The following NR5A2 variants were observed in gnomAD, a reference collection of about 807,000 sequenced individuals.
NR5A2 encodes the protein CYP7A promoter-binding factor.
NR5A2 carries 26 observed loss-of-function variants against 62.7 expected under a neutral mutation model. The observed-to-expected ratio is 0.41, with a 90% CI of 0.30 to 0.58. The LOEUF (loss-of-function observed/expected upper bound fraction) is 0.58, where lower values mean the gene tolerates loss of function less well. Ranked by LOEUF, NR5A2 falls within the 20% of genes least tolerant of loss-of-function variation. NR5A2 has a pLI of 0.22. For synonymous variants in NR5A2, 246 were observed against 241.7 expected, an observed-to-expected ratio of 1.02 and a Z score of -0.16; for missense variants, 541 against 669.1, an observed-to-expected ratio of 0.81 and a Z score of 2.11.
intron 5 of NR5A2, among the ~76,000 whole-genome samples, chr1:200,052,779 C>A: frequency 6.6e-6 from 1 of 151,806 alleles, no homozygotes; most frequent in South Asian, 2.1e-4. Context: ...GTAGCTGGGA[C>A]TACAGGTGCC....
At position 200,049,096 on chromosome 1, in the gene NR5A2, ATTCC is replaced by A. The variant is rs369888701; in HGVS notation, c.1110+281_1110+284del. 4.2e-3 allele frequency among the ~76,000 whole-genome samples: 640 copies of A among 152,212 alleles called. 3 individuals carry two copies. Among genetic ancestry groups the A allele is most frequent in the African/African-American group, 0.015 (617 of 41,540 alleles). ...TTTTTCTAAATAGTAGAATATCTGT[ATTCC>A]TTTTAATTCAGATGGTTTGTGGCTT... On this transcript the variant is annotated intron_variant, in intron 5 of 7. Transcript: ENST00000367362.
intron 5 of NR5A2, among the ~76,000 whole-genome samples, chr1:200,065,324 A>G (rs984462110): frequency 6.6e-6 from 1 of 151,008 alleles, no homozygotes; most frequent in East Asian, 2.0e-4. Flanking sequence ...TTGTATTTTT[A>G]GGAGAGACAG....
At chr1:200,150,451 G>A (rs985289297) in intron 7 of NR5A2, among the ~76,000 whole-genome samples, 1 of 152,152 alleles carries the variant, frequency 6.6e-6, no homozygotes, top group African/African-American at 2.4e-5. Flanking sequence ...GTACCACTTA[G>A]AATTAGAGCT....
chr1:200,040,972 C>T (rs1662042511), intron 2 of NR5A2, among the ~76,000 whole-genome samples: 1 of 152,166 alleles, frequency 6.6e-6, no homozygotes, highest in African/African-American at 2.4e-5. Flanking sequence ...GCTGAAGCCC[C>T]GGAGGCTGAC....
intron 3 of NR5A2, 153 bp downstream of exon 3, chr1:200,044,045 A>C (rs1662245123): frequency 1.9e-6 from 1 of 521,372 alleles, no homozygotes; most frequent in East Asian, 3.0e-5. Flanking sequence ...GATTCTTAGA[A>C]GTGTGTGTCT....
chr1:200,053,305 C>A (rs1662746160), intron 5 of NR5A2, among the ~76,000 whole-genome samples: 1 of 152,044 alleles, frequency 6.6e-6, no homozygotes, highest in Non-Finnish European at 1.5e-5. Context: ...GAAATTAATA[C>A]TCTGAAACTT....
intron 1 of NR5A2, chr1:200,029,127 C>A: frequency 2.3e-6 from 1 of 440,122 alleles, no homozygotes; most frequent in South Asian, 1.6e-5. Context: ...GGTGCGCAGG[C>A]AAGGAGTCCT....
intron 7 of NR5A2, among the ~76,000 whole-genome samples, chr1:200,156,356 G>A (rs890247167): frequency 1.1e-4 from 17 of 152,296 alleles, no homozygotes; most frequent in African/African-American, 4.1e-4. Flanking sequence ...ATGCTGCAAA[G>A]CAATCCACAT....
At chr1:200,121,413 C>G (rs560506670) in intron 7 of NR5A2, among the ~76,000 whole-genome samples, 1 of 152,090 alleles carries the variant, frequency 6.6e-6, no homozygotes, top group African/African-American at 2.4e-5. Flanking sequence ...AAATCTCTAT[C>G]GGGATTAACT....
At chr1:200,154,159 C>G (rs1020199663) in intron 7 of NR5A2, among the ~76,000 whole-genome samples, 3 of 152,210 alleles carry the variant, frequency 2.0e-5, no homozygotes, top group East Asian at 1.9e-4. Flanking sequence ...CCTGTCTGCT[C>G]TTGCTTCCTC....
chr1:200,140,666 T>C (rs979204992), intron 7 of NR5A2, among the ~76,000 whole-genome samples: 1 of 152,204 alleles, frequency 6.6e-6, no homozygotes, highest in South Asian at 2.1e-4. Flanking sequence ...TTAAGATACA[T>C]ATAGGGGAGT....
chr1:200,132,171 G>A (rs942137976), intron 7 of NR5A2, among the ~76,000 whole-genome samples: 8 of 152,014 alleles, frequency 5.3e-5, no homozygotes, highest in Admixed American at 1.3e-4. Context: ...TACCACCCCC[G>A]GCTAATTTTT....
intron 5 of NR5A2, among the ~76,000 whole-genome samples, chr1:200,062,227 T>TGTGTGTGTGTGTGTGTG (rs1663256673): frequency 1.4e-5 from 2 of 145,666 alleles, no homozygotes; most frequent in African/African-American, 2.5e-5. Context: ...CTGGCAGATT[T>TGTGTGTGTGTGTGTGTG]TGTGTGTGTG....
In NR5A2 at chr1:200,048,359, C is replaced by T. The variant is rs1165533803; in HGVS notation, c.651C>T (p.His217=). The change falls in exon 5 of 8, where the codon CAC becomes CAT. Residue 217 remains histidine, a synonymous_variant. Transcript: ENST00000367362. The surrounding 1 kb of genome is among the most constrained non-coding windows in gnomAD (Gnocchi z 4.8). Reference sequence around the variant, plus strand: ...TTTCCTCTGCAATTCAAAACATCCACTCTGCCTCCAAAGGCCTACCTCTGA... The same window carrying T: ...TTTCCTCTGCAATTCAAAACATCCATTCTGCCTCCAAAGGCCTACCTCTGA... The part of the protein sequence containing the change: ...LTISSAIQNI[H]SASKGLPLNH... 1.2e-6 allele frequency: 2 copies of T among 1,614,198 alleles called. No individual in the cohort carries two copies. Among genetic ancestry groups the T allele is most frequent in the Admixed American group, 1.7e-5 (1 of 60,024 alleles).
intron 2 of NR5A2, among the ~76,000 whole-genome samples, chr1:200,040,115 G>T (rs923770749): frequency 6.6e-6 from 1 of 152,204 alleles, no homozygotes; most frequent in South Asian, 2.1e-4. Context: ...CTAAGAAATG[G>T]AATGTCTCAC....
At chr1:200,057,969 C>G (rs1472794963) in intron 5 of NR5A2, 2 of 151,848 alleles carry the variant, frequency 1.3e-5, no homozygotes, top group African/African-American at 2.4e-5. Flanking sequence ...AGCTAATTTT[C>G]GTATTATTAG....
intron 7 of NR5A2, among the ~76,000 whole-genome samples, chr1:200,169,748 A>G (rs1654085352): frequency 6.6e-6 from 1 of 152,272 alleles, no homozygotes; most frequent in Non-Finnish European, 1.5e-5. Context: ...TAAAGGCTAT[A>G]GAGAAAGGGT....
intron 5 of NR5A2, among the ~76,000 whole-genome samples, chr1:200,066,654 C>T (rs181380771): frequency 2.9e-5 from 4 of 136,588 alleles, no homozygotes; most frequent in African/African-American, 9.0e-5. Flanking sequence ...ATGGCACGAT[C>T]TCGGCTCACA....
intron 7 of NR5A2, among the ~76,000 whole-genome samples, chr1:200,161,067 A>T (rs189599348): frequency 6.6e-6 from 1 of 152,018 alleles, no homozygotes; most frequent in Admixed American, 6.6e-5. Context: ...TTGGGAGCAG[A>T]TGGTCTTTAG....
Sources: allele counts gnomAD v4.1 joint callset (sites outside exome capture counted in the v4.1 genomes callset), GRCh38; gene constraint gnomAD v4.1.1; non-coding constraint Gnocchi (gnomAD v3.1); transcripts MANE v1.5; gene names NCBI Gene and HGNC (gene_info 2026-07-23, HGNC 2026-07-21).